Variants in CTNNA2 observed in about 807,000 individuals in gnomAD.
The protein encoded by CTNNA2 is catenin alpha 2.
In CTNNA2, 42 loss-of-function variants were observed where a neutral mutation model predicts 101.0. The observed-to-expected ratio is 0.42, with a 90% CI of 0.32 to 0.54. The LOEUF is 0.54. Ranked by LOEUF, CTNNA2 falls within the 20% of genes least tolerant of loss-of-function variation. CTNNA2 has a pLI of 0.14. For missense variants in CTNNA2, 871 were observed against 1,223.1 expected, an observed-to-expected ratio of 0.71 and a Z score of 4.29; for synonymous variants, 450 against 456.4, an observed-to-expected ratio of 0.99 and a Z score of 0.18.
chr2:79,333,156 T>C (rs1207130983), intron 3 of CTNNA2, among the ~76,000 whole-genome samples: 3 of 152,132 alleles, frequency 2.0e-5, no homozygotes, highest in African/African-American at 7.2e-5. Flanking sequence ...CATTTAGAAA[T>C]GAAACTCCTA....
intron 7 of CTNNA2, among the ~76,000 whole-genome samples, chr2:80,359,855 T>A (rs1674227083): frequency 6.6e-6 from 1 of 152,140 alleles, no homozygotes; most frequent in South Asian, 2.1e-4. Context: ...TTCAACATAA[T>A]CTTGACTCCT....
intron 7 of CTNNA2, among the ~76,000 whole-genome samples, chr2:79,937,199 T>A (rs1687849060): frequency 6.7e-6 from 1 of 149,474 alleles, no homozygotes; most frequent in Non-Finnish European, 1.5e-5. Context: ...GCTTTAAACA[T>A]CAATTTTTGT....
At chr2:80,623,077 G>T (rs1432545820) in intron 18 of CTNNA2, among the ~76,000 whole-genome samples, 1 of 145,762 alleles carries the variant, frequency 6.9e-6, no homozygotes, top group African/African-American at 2.5e-5. Context: ...AGTTCAAGCA[G>T]AAGTTAGATT....
chr2:79,658,899 T>C (rs1681811527), intron 2 of CTNNA2, among the ~76,000 whole-genome samples: 1 of 152,128 alleles, frequency 6.6e-6, no homozygotes, highest in Non-Finnish European at 1.5e-5. Context: ...AGTTGAACCA[T>C]TTTAAATTTT....
At chr2:80,021,025 A>T (rs1362607515) in intron 7 of CTNNA2, among the ~76,000 whole-genome samples, 3 of 127,890 alleles carry the variant, frequency 2.3e-5, no homozygotes, top group African/African-American at 6.7e-5. Context: ...TTTTTGAGAC[A>T]AGTTCTGGCT....
chr2:79,424,380 GA>G (rs1678571129), intron 4 of CTNNA2, among the ~76,000 whole-genome samples: 1 of 151,954 alleles, frequency 6.6e-6, no homozygotes, highest in Non-Finnish European at 1.5e-5. Flanking sequence ...TTTCAAGTAT[GA>G]GGCCCATAAT....
intron 7 of CTNNA2, among the ~76,000 whole-genome samples, chr2:80,364,027 T>A (rs1674667716): frequency 6.6e-6 from 1 of 152,128 alleles, no homozygotes; most frequent in South Asian, 2.1e-4. Context: ...CTGCAGTGTG[T>A]CATCCTTAAA....
intron 7 of CTNNA2, among the ~76,000 whole-genome samples, chr2:80,388,289 A>G (rs917675163): frequency 6.6e-6 from 1 of 152,168 alleles, no homozygotes; most frequent in Non-Finnish European, 1.5e-5. Context: ...TTTGAGGGGA[A>G]TGAGGAGGTG....
chr2:79,375,026 G>C (rs968173403), intron 4 of CTNNA2, among the ~76,000 whole-genome samples: 1 of 152,128 alleles, frequency 6.6e-6, no homozygotes, highest in East Asian at 1.9e-4. Flanking sequence ...GCATAATAGA[G>C]TTGCTCATTT....
chr2:79,768,070 C>T (rs534597306), intron 3 of CTNNA2, among the ~76,000 whole-genome samples: 1 of 151,902 alleles, frequency 6.6e-6, no homozygotes, highest in South Asian at 2.1e-4. Context: ...AACTCAAGTT[C>T]AGACCTCTGA....
chr2:79,284,644 C>G (rs1449533505), intron 2 of CTNNA2, among the ~76,000 whole-genome samples: 1 of 149,224 alleles, frequency 6.7e-6, no homozygotes, highest in Non-Finnish European at 1.5e-5. Context: ...TTTTGATGTG[C>G]TGCTGGATTC....
intron 7 of CTNNA2, among the ~76,000 whole-genome samples, chr2:80,133,515 A>AT (rs1337544583): frequency 6.6e-6 from 1 of 152,196 alleles, no homozygotes; most frequent in Non-Finnish European, 1.5e-5. Context: ...GCCCAAATGT[A>AT]TATAGAGTAA....
At chr2:79,561,122 A>G (rs1674752584) in intron 1 of CTNNA2, among the ~76,000 whole-genome samples, 1 of 151,930 alleles carries the variant, frequency 6.6e-6, no homozygotes, top group South Asian at 2.1e-4. Context: ...CTGTCTGCAC[A>G]GTGTTTCCAC....
chr2:79,808,600 TATGA>T (rs1028011587), intron 3 of CTNNA2, among the ~76,000 whole-genome samples: 3 of 152,224 alleles, frequency 2.0e-5, no homozygotes, highest in Non-Finnish European at 4.4e-5. Context: ...TCTATTCTTT[TATGA>T]ATCATGATTT....
At chr2:79,702,037 G>GAGTATTGC (rs991413494) in intron 2 of CTNNA2, among the ~76,000 whole-genome samples, 1 of 142,686 alleles carries the variant, frequency 7.0e-6, no homozygotes, top group African/African-American at 2.6e-5. Flanking sequence ...GATGTGGAAA[G>GAGTATTGC]AGTATTGCAA....
chr2:80,126,825 T>G (rs1702161985), intron 7 of CTNNA2, among the ~76,000 whole-genome samples: 1 of 152,120 alleles, frequency 6.6e-6, no homozygotes, highest in Non-Finnish European at 1.5e-5. Flanking sequence ...TTCTCTTGCC[T>G]TCCAGCAGTC....
chr2:80,137,322 A>T (rs1173515244), intron 7 of CTNNA2, among the ~76,000 whole-genome samples: 1 of 152,194 alleles, frequency 6.6e-6, no homozygotes, highest in African/African-American at 2.4e-5. Context: ...TTGGCTCAGT[A>T]AAAGGATGAA....
intron 3 of CTNNA2, among the ~76,000 whole-genome samples, chr2:79,361,748 G>A (rs1466010411): frequency 6.6e-6 from 1 of 152,152 alleles, no homozygotes; most frequent in Admixed American, 6.6e-5. Context: ...CAAAACTGAA[G>A]AACTTGGAGT....
At chr2:80,010,416 C>A (rs916239022) in intron 7 of CTNNA2, among the ~76,000 whole-genome samples, 4 of 152,032 alleles carry the variant, frequency 2.6e-5, no homozygotes, top group Non-Finnish European at 5.9e-5. Flanking sequence ...AATAATCCAC[C>A]CACTTCAGCC....
Sources: allele counts gnomAD v4.1 joint callset (sites outside exome capture counted in the v4.1 genomes callset), GRCh38; gene constraint gnomAD v4.1.1; transcripts MANE v1.5; gene names NCBI Gene and HGNC (gene_info 2026-07-23, HGNC 2026-07-21).